Variants in FXYD3 observed in about 807,000 individuals in gnomAD.
The protein encoded by FXYD3 is FXYD domain containing ion transport regulator 3, also known as FXYD domain-containing ion transport regulator 3.
In FXYD3, 13 loss-of-function variants were observed where a neutral mutation model predicts 19.2. That is an observed-to-expected ratio of 0.68 (90% confidence interval 0.44 to 1.08). The LOEUF is 1.08. FXYD3 is among the 50% of genes least tolerant of loss of function. The pLI, the probability that FXYD3 is intolerant of heterozygous loss-of-function variation, is 0.00. For synonymous variants in FXYD3, 48 were observed against 38.9 expected (o/e 1.23, Z -0.87); for missense variants, 101 against 109.4 (o/e 0.92, Z 0.34).
At chr19:35,117,397 G>A in intron 2 of FXYD3, 1 of 1,465,690 alleles carries the variant, frequency 6.8e-7, no homozygotes, top group Non-Finnish European at 9.0e-7. Flanking sequence ...CAACAGCCAT[G>A]GCGACAGAGC....
At chr19:35,123,119 C>T in intron 7 of FXYD3, 152 bp from the exon 8 acceptor site, 1 of 1,465,778 alleles carries the variant, frequency 6.8e-7, no homozygotes, top group Non-Finnish European at 9.0e-7. Context: ...CAGGGGGCCC[C>T]AAATCCTGAA....
At chr19:35,119,480 G>C in intron 3 of FXYD3, 64 bp downstream of exon 3, 2 of 1,430,312 alleles carry the variant, frequency 1.4e-6, no homozygotes, top group Non-Finnish European at 2.0e-6. Flanking sequence ...TCCAACCTCT[G>C]TCTCTCTCCT....
Position 35,119,215 on chromosome 19 carries a change from C to T in FXYD3, c.-14-148C>T. 1.9e-6 allele frequency: 3 copies of T among 1,593,448 alleles called. No homozygotes were observed. The Middle Eastern group carries it at 5.0e-4, about 265-fold the overall frequency. Reference sequence around the variant, plus strand: ...ACTCCACGGTGCAGCTGCGGCTTATCTCTCAGCCCAGCGAGATGCCAGCCT... The same window carrying T: ...ACTCCACGGTGCAGCTGCGGCTTATTTCTCAGCCCAGCGAGATGCCAGCCT... On this transcript the variant is annotated intron_variant, in intron 2 of 8. Coordinates refer to ENST00000604404, the MANE Select transcript of FXYD3 (RefSeq NM_005971.4).
intron 3 of FXYD3, among the ~76,000 whole-genome samples, chr19:35,120,295 A>G (rs1202689054): frequency 6.6e-6 from 1 of 152,072 alleles, no homozygotes; most frequent in Non-Finnish European, 1.5e-5. Context: ...GTGTGCTGCC[A>G]TGCCTGGCTA....
chr19:35,121,311 A>C, intron 5 of FXYD3, 66 bp downstream of exon 5: 2 of 1,614,090 alleles, frequency 1.2e-6, no homozygotes, highest in Non-Finnish European at 1.7e-6. Context: ...AAGGGTTCCC[A>C]TACAGGGTTG....
chr19:35,123,214 C>T, intron 7 of FXYD3, 57 bp from the exon 8 acceptor site: 1 of 1,542,366 alleles, frequency 6.5e-7, no homozygotes, highest in Non-Finnish European at 8.7e-7. Context: ...AACCCTCTAT[C>T]CGGAGGGAGA....
intron 2 of FXYD3, chr19:35,117,204 G>A: frequency 2.1e-6 from 3 of 1,424,146 alleles, no homozygotes; most frequent in Non-Finnish European, 1.8e-6. Flanking sequence ...GGCAGACCCA[G>A]CTCCCGGCTC....
At chr19:35,123,368 A>C in intron 8 of FXYD3, 60 bp downstream of exon 8, 1 of 1,556,510 alleles carries the variant, frequency 6.4e-7, no homozygotes, top group Non-Finnish European at 8.8e-7. Context: ...GTGTGTGTGT[A>C]TGTGTGTGTT....
At chr19:35,121,386 C>G in intron 5 of FXYD3, 141 bp downstream of exon 5, 1 of 1,595,748 alleles carries the variant, frequency 6.3e-7, no homozygotes, top group Non-Finnish European at 8.5e-7. Flanking sequence ...CTGAATATGC[C>G]ACACAGTGGA....
chr19:35,117,111 C>T, intron 2 of FXYD3: 2 of 1,306,450 alleles, frequency 1.5e-6, no homozygotes, highest in East Asian at 3.2e-5. Flanking sequence ...GGGCTGCCTT[C>T]CTCTCTAACC....
chr19:35,123,372 G>A (rs1485287902), intron 8 of FXYD3, 64 bp downstream of exon 8: 3 of 1,611,162 alleles, frequency 1.9e-6, no homozygotes, highest in African/African-American at 1.3e-5. Context: ...GTGTGTATGT[G>A]TGTGTTTGCA....
In FXYD3 at chr19:35,123,308, G is replaced by A. The variant is rs201302981; in HGVS notation, c.247G>A (p.Gly83Ser). 1 of 1,610,530 alleles carries A rather than the reference G, an allele frequency of 6.2e-7. No homozygotes were observed. The highest frequency in any genetic ancestry group is 1.7e-5 in the Admixed American group (1 of 59,766). The change falls in exon 8 of 9, where the codon GGC becomes AGC. Residue 83 changes from glycine to serine, a missense_variant and splice_region_variant. Coordinates refer to ENST00000604404, the MANE Select transcript of FXYD3 (RefSeq NM_005971.4). ...PGETPPLITP[G>S]SAQS ...GGAGACTCCACCTCTCATCACCCCA[G>A]GTAAGATGGGGCAGCATGGGGCTCA...
At chr19:35,119,455 C>A (rs1224485491) in intron 3 of FXYD3, 39 bp downstream of exon 3, 2 of 1,588,328 alleles carry the variant, frequency 1.3e-6, no homozygotes, top group African/African-American at 2.7e-5. Flanking sequence ...CCTCTGGATC[C>A]CCTGGATGCG....
At chr19:35,123,349 GGTGTGTGT>G (rs71167516) in intron 8 of FXYD3, 41 bp downstream of exon 8, 1 of 1,485,548 alleles carries the variant, frequency 6.7e-7, no homozygotes, top group East Asian at 2.4e-5. Context: ...ACACGGAAGT[GGTGTGTGT>G]GTGTGTGTGT....
chr19:35,122,464 A>G (rs2065063467), intron 5 of FXYD3, among the ~76,000 whole-genome samples: 1 of 152,176 alleles, frequency 6.6e-6, no homozygotes, highest in East Asian at 1.9e-4. Context: ...CAAAAACGCA[A>G]TCACTTTTGC....
chr19:35,123,322 G>A lies in FXYD3; in HGVS notation c.247+14G>A. Reference sequence around the variant, plus strand: ...TCATCACCCCAGGTAAGATGGGGCAGCATGGGGCTCAGGGGAACACGGAAG... The same window carrying A: ...TCATCACCCCAGGTAAGATGGGGCAACATGGGGCTCAGGGGAACACGGAAG... On this transcript the variant is annotated intron_variant, in intron 8 of 8. Coordinates refer to ENST00000604404, the MANE Select transcript of FXYD3 (RefSeq NM_005971.4). 1 of 1,611,262 alleles carries A rather than the reference G, an allele frequency of 6.2e-7. No homozygotes were observed. Among genetic ancestry groups the A allele is most frequent in the South Asian group, 1.1e-5 (1 of 90,548 alleles).
chr19:35,120,639 G>A (rs981732206), intron 3 of FXYD3, among the ~76,000 whole-genome samples: 3 of 152,220 alleles, frequency 2.0e-5, no homozygotes, highest in African/African-American at 4.8e-5. Context: ...CATTTTCAAT[G>A]ATGTGCAAAC....
chr19:35,117,227 G>A (rs962374079), intron 2 of FXYD3: 79 of 1,448,762 alleles, frequency 5.5e-5, no homozygotes, highest in Admixed American at 6.7e-5. Flanking sequence ...TGCAGCCTCC[G>A]GAAGCATGGG....
chr19:35,117,108 C>G (rs575136888), intron 2 of FXYD3: 1 of 1,306,416 alleles, frequency 7.7e-7, no homozygotes, highest in South Asian at 2.5e-5. Context: ...GCAGGGCTGC[C>G]TTCCTCTCTA....
Sources: gnomAD v4.1 joint callset for allele counts (sites outside exome capture counted in the v4.1 genomes callset) on GRCh38, gnomAD v4.1.1 for gene constraint, MANE v1.5 for transcripts, NCBI Gene and HGNC (gene_info 2026-07-23, HGNC 2026-07-21) for gene names.